MIPOL1: variants seen among roughly 807,000 people sequenced by gnomAD.
MIPOL1 encodes mirror-image polydactyly 1.
MIPOL1 carries 57 observed loss-of-function variants against 60.9 expected under a neutral mutation model. That is an observed-to-expected ratio of 0.94 (90% CI 0.76 to 1.17). The LOEUF (loss-of-function observed/expected upper bound fraction) is 1.17. Ranked by LOEUF, MIPOL1 falls within the 50% of genes most tolerant of loss-of-function variation. The pLI is 0.00. For missense variants in MIPOL1, 551 were observed against 511.6 expected, an observed-to-expected ratio of 1.08 and a Z score of -0.74; for synonymous variants, 179 against 168.8, an observed-to-expected ratio of 1.06 and a Z score of -0.47.
At position 37,402,419 on chromosome 14, in the gene MIPOL1, AG is replaced by A. The variant is rs1357318146; in HGVS notation, c.937-20435del. 7.9e-5 allele frequency among the ~76,000 whole-genome samples: 12 copies of A among 152,280 alleles called. 1 individual carries two copies. Among genetic ancestry groups the A allele is most frequent in the African/African-American group, 2.6e-4 (11 of 41,564 alleles). Reference sequence around the variant, plus strand: ...AAATGAAATAGGAAAAAGATGTGAAAGACTTAGCTGTGAGGATGTTTATGAG... The same window carrying A: ...AAATGAAATAGGAAAAAGATGTGAAAACTTAGCTGTGAGGATGTTTATGAG... On this transcript the variant is annotated intron_variant, in intron 10 of 12. Transcript: ENST00000684589.
intron 10 of MIPOL1, among the ~76,000 whole-genome samples, chr14:37,371,427 A>G (rs1356186683): frequency 3.3e-5 from 5 of 152,178 alleles, no homozygotes; most frequent in East Asian, 1.9e-4. Flanking sequence ...CAATGTAGCT[A>G]TATTTTCACT....
At chr14:37,223,538 CAT>C (rs1969187983) in intron 1 of MIPOL1, among the ~76,000 whole-genome samples, 1 of 151,320 alleles carries the variant, frequency 6.6e-6, no homozygotes, top group Non-Finnish European at 1.5e-5. Context: ...GTGTCACTCT[CAT>C]TGCCCAGGCT....
chr14:37,296,839 G>A (rs1197793955), intron 7 of MIPOL1, among the ~76,000 whole-genome samples: 2 of 152,122 alleles, frequency 1.3e-5, no homozygotes, highest in African/African-American at 2.4e-5. Context: ...AAAAAGTCCA[G>A]GACCAGATGG....
chr14:37,245,228 A>G (rs1343694025), intron 1 of MIPOL1, among the ~76,000 whole-genome samples: 1 of 152,162 alleles, frequency 6.6e-6, no homozygotes, highest in Non-Finnish European at 1.5e-5. Flanking sequence ...GTTGGTGAAT[A>G]TGAAAATCTT....
intron 9 of MIPOL1, among the ~76,000 whole-genome samples, chr14:37,310,552 A>G (rs796628208): frequency 1.3e-5 from 2 of 152,228 alleles, no homozygotes; most frequent in African/African-American, 4.8e-5. Flanking sequence ...CTCTATTTCC[A>G]TACTAGTTCA....
intron 10 of MIPOL1, among the ~76,000 whole-genome samples, chr14:37,418,007 C>T (rs1416052479): frequency 2.6e-5 from 4 of 152,118 alleles, no homozygotes; most frequent in Non-Finnish European, 5.9e-5. Context: ...CCTCTGAGAT[C>T]CTTTCCAAGT....
At chr14:37,452,217 A>G (rs182698593) in intron 11 of MIPOL1, among the ~76,000 whole-genome samples, 277 of 152,334 alleles carry the variant, frequency 1.8e-3, no homozygotes, top group Non-Finnish European at 3.1e-3. Flanking sequence ...TCCTAATAAC[A>G]AAGTGTGAAA....
intron 9 of MIPOL1, among the ~76,000 whole-genome samples, chr14:37,324,520 G>A (rs2088940294): frequency 6.6e-6 from 1 of 151,908 alleles, no homozygotes; most frequent in Admixed American, 6.6e-5. Flanking sequence ...GTTTTTGCTT[G>A]CGTATTTATT....
At chr14:37,485,196 T>C (rs1396784368) in intron 11 of MIPOL1, among the ~76,000 whole-genome samples, 2 of 152,140 alleles carry the variant, frequency 1.3e-5, no homozygotes, top group African/African-American at 4.8e-5. Context: ...TATTCCATGG[T>C]GTATATGTGC....
chr14:37,387,904 A>AAAAT (rs2093119986), intron 10 of MIPOL1, among the ~76,000 whole-genome samples: 1 of 152,032 alleles, frequency 6.6e-6, no homozygotes, highest in East Asian at 1.9e-4. Context: ...AAGATGTATT[A>AAAAT]AAATAAATAA....
At chr14:37,288,159 G>T (rs899435411) in intron 7 of MIPOL1, among the ~76,000 whole-genome samples, 2 of 150,222 alleles carry the variant, frequency 1.3e-5, no homozygotes, top group Admixed American at 6.6e-5. Context: ...AGTTTTTGAG[G>T]TTTTTTTTGG....
At chr14:37,268,830 G>T (rs757964988) in intron 5 of MIPOL1, 37 bp downstream of exon 5, 1 of 1,421,772 alleles carries the variant, frequency 7.0e-7, no homozygotes, top group Admixed American at 2.6e-5. Context: ...TATAGTATGG[G>T]TTTAGCTGTT....
At chr14:37,207,066 C>T (rs779467169) in intron 1 of MIPOL1, among the ~76,000 whole-genome samples, 1 of 152,152 alleles carries the variant, frequency 6.6e-6, no homozygotes, top group African/African-American at 2.4e-5. Flanking sequence ...AATGTTAGGA[C>T]ATGAGATTTG....
At chr14:37,219,916 A>ATCTT (rs1324821208) in intron 1 of MIPOL1, among the ~76,000 whole-genome samples, 1 of 152,060 alleles carries the variant, frequency 6.6e-6, no homozygotes, top group Non-Finnish European at 1.5e-5. Flanking sequence ...TTTGAGTAAT[A>ATCTT]TCTTTGTTTT....
chr14:37,296,494 C>G (rs1187286601), intron 7 of MIPOL1, among the ~76,000 whole-genome samples: 1 of 151,942 alleles, frequency 6.6e-6, no homozygotes, highest in Non-Finnish European at 1.5e-5. Context: ...AAAAACCATT[C>G]AAAAAATCAA....
chr14:37,277,003 G>C (rs920101774), intron 6 of MIPOL1: 2 of 151,024 alleles, frequency 1.3e-5, no homozygotes, highest in African/African-American at 4.8e-5. Flanking sequence ...TAACCAATTT[G>C]TATCCTTGCT....
At chr14:37,406,323 A>G (rs1313118258) in intron 10 of MIPOL1, among the ~76,000 whole-genome samples, 1 of 152,152 alleles carries the variant, frequency 6.6e-6, no homozygotes, top group African/African-American at 2.4e-5. Flanking sequence ...CTGGCAAGAC[A>G]AGTTTGGTTC....
At chr14:37,514,715 G>A (rs2095355894) in intron 12 of MIPOL1, among the ~76,000 whole-genome samples, 1 of 151,350 alleles carries the variant, frequency 6.6e-6, no homozygotes, top group African/African-American at 2.4e-5. Flanking sequence ...TCCGCCTCCC[G>A]AGTTCATGCG....
chr14:37,430,693 T>C (rs967490604), intron 11 of MIPOL1, among the ~76,000 whole-genome samples: 1 of 152,096 alleles, frequency 6.6e-6, no homozygotes, highest in African/African-American at 2.4e-5. Flanking sequence ...AGTGAGATGA[T>C]ACATCTGAAT....
Sources: allele counts gnomAD v4.1 joint callset (sites outside exome capture counted in the v4.1 genomes callset), GRCh38; gene constraint gnomAD v4.1.1; transcripts MANE v1.5; gene names NCBI Gene and HGNC (gene_info 2026-07-23, HGNC 2026-07-21).